ADGRL3: variants seen among roughly 807,000 people sequenced by gnomAD.
The protein encoded by ADGRL3 is adhesion G protein-coupled receptor L3, also known as calcium-independent alpha-latrotoxin receptor 3.
ADGRL3 carries 62 observed loss-of-function variants against 153.5 expected under a neutral mutation model. The ratio of observed to expected loss-of-function variants is 0.40; its 90% CI spans 0.33 to 0.50. The LOEUF (loss-of-function observed/expected upper bound fraction) is 0.50, where lower values mean the gene tolerates loss of function less well. Among genes scored for constraint, ADGRL3 ranks in the 20% least tolerant of loss-of-function variants. ADGRL3 has a pLI of 0.47. For synonymous variants in ADGRL3, 710 were observed against 672.5 expected, an observed-to-expected ratio of 1.06 and a Z score of -0.86; for missense variants, 1,641 against 1,859.4, an observed-to-expected ratio of 0.88 and a Z score of 2.16.
At position 61,201,674 on chromosome 4, in the gene ADGRL3, C is replaced by G. The variant is rs867918910; in HGVS notation, c.-331C>G. 7 of 152,392 alleles carry G rather than the reference C, an allele frequency of 4.6e-5. No individual in the cohort carries two copies. Among genetic ancestry groups the G allele is most frequent in the Non-Finnish European group, 8.8e-5 (6 of 68,212 alleles). 9.4% of individuals were successfully genotyped at this position (152,392 alleles called of 1,614,324 possible). A position where few individuals can be genotyped will look rare whatever the true frequency, so the allele number is the denominator to read the frequency against. ...CACAGGGGCCGGCCGGTCTTTTGCC[C>G]CGGGCTCAATGGCTGGATTGTGGAA... On this transcript the variant is annotated 5_prime_UTR_variant, in exon 1 of 27. Transcript: ENST00000683033.
At chr4:61,743,758 C>T (rs1027836222) in intron 8 of ADGRL3, among the ~76,000 whole-genome samples, 7 of 152,168 alleles carry the variant, frequency 4.6e-5, no homozygotes, top group Admixed American at 3.3e-4. Flanking sequence ...GGAACAGCTC[C>T]GCTCTACAGC....
intron 1 of ADGRL3, among the ~76,000 whole-genome samples, chr4:61,319,888 A>T (rs2095317719): frequency 1.3e-5 from 2 of 152,270 alleles, no homozygotes; most frequent in African/African-American, 4.8e-5. Flanking sequence ...CTCCTCTGGT[A>T]TGTACTGAAT....
intron 17 of ADGRL3, among the ~76,000 whole-genome samples, chr4:61,977,738 AAT>A (rs2099053162): frequency 6.6e-6 from 1 of 152,210 alleles, no homozygotes; most frequent in Non-Finnish European, 1.5e-5. Context: ...AAGTTAAAAA[AAT>A]GAAGAAAACC....
chr4:61,325,712 G>C (rs997007767), intron 1 of ADGRL3, among the ~76,000 whole-genome samples: 2 of 151,888 alleles, frequency 1.3e-5, no homozygotes, highest in African/African-American at 4.8e-5. Flanking sequence ...CTAATTTTAT[G>C]ATACTATTCT....
chr4:61,237,920 C>T (rs770442579), intron 1 of ADGRL3, among the ~76,000 whole-genome samples: 4 of 152,070 alleles, frequency 2.6e-5, no homozygotes, highest in South Asian at 2.1e-4. Context: ...TGTAACAGTG[C>T]GAGTCTGTGT....
chr4:61,298,791 T>A (rs2150308153), intron 1 of ADGRL3, among the ~76,000 whole-genome samples: 1 of 152,228 alleles, frequency 6.6e-6, no homozygotes, highest in African/African-American at 2.4e-5. Flanking sequence ...AGTATCTGTG[T>A]TGAAAATTAA....
At chr4:61,502,605 TTAG>T (rs2098399230) in intron 3 of ADGRL3, among the ~76,000 whole-genome samples, 3 of 152,076 alleles carry the variant, frequency 2.0e-5, no homozygotes, top group African/African-American at 7.2e-5. Flanking sequence ...TAAACAGTTC[TTAG>T]TAGGGACAAA....
chr4:61,833,313 G>A (rs116737198), intron 9 of ADGRL3, among the ~76,000 whole-genome samples: 1,614 of 152,238 alleles, frequency 0.011, 14 homozygotes, highest in Non-Finnish European at 0.019. Flanking sequence ...CACCTTGCCC[G>A]CTGCGTAGAC....
chr4:61,742,033 A>G (rs977422195), intron 8 of ADGRL3, among the ~76,000 whole-genome samples: 1 of 152,188 alleles, frequency 6.6e-6, no homozygotes, highest in African/African-American at 2.4e-5. Flanking sequence ...ACCAGAGGGC[A>G]GGCAGGTGGA....
chr4:61,665,306 GA>G (rs1239859902), intron 5 of ADGRL3, among the ~76,000 whole-genome samples: 1 of 152,186 alleles, frequency 6.6e-6, no homozygotes, highest in Non-Finnish European at 1.5e-5. Flanking sequence ...AGCTACTCTG[GA>G]GGCTGAGGCA....
intron 2 of ADGRL3, among the ~76,000 whole-genome samples, chr4:61,394,341 G>C (rs1440283602): frequency 6.6e-6 from 1 of 151,944 alleles, no homozygotes; most frequent in Non-Finnish European, 1.5e-5. Context: ...ATACATTAAA[G>C]ATGGGATAAA....
intron 2 of ADGRL3, among the ~76,000 whole-genome samples, chr4:61,418,898 A>C (rs1217263433): frequency 6.6e-6 from 1 of 150,776 alleles, no homozygotes; most frequent in Non-Finnish European, 1.5e-5. Flanking sequence ...AAAAAGAAAA[A>C]AGTTAAATTA....
At chr4:62,045,650 G>A (rs989246767) in intron 25 of ADGRL3, among the ~76,000 whole-genome samples, 1 of 151,870 alleles carries the variant, frequency 6.6e-6, no homozygotes, top group Admixed American at 6.6e-5. Context: ...TGTCAAAATT[G>A]AATTTGATGC....
intron 9 of ADGRL3, among the ~76,000 whole-genome samples, chr4:61,857,714 CCTTT>C (rs1282944884): frequency 1.4e-5 from 2 of 140,948 alleles, no homozygotes; most frequent in East Asian, 2.2e-4. Flanking sequence ...TTCCTTTCCT[CCTTT>C]CTTTCTTCTC....
At chr4:61,522,650 A>G (rs1375707641) in intron 4 of ADGRL3, among the ~76,000 whole-genome samples, 1 of 152,110 alleles carries the variant, frequency 6.6e-6, no homozygotes, top group Admixed American at 6.6e-5. Context: ...TTATGAGATC[A>G]CTAACTAGAG....
At chr4:62,011,646 T>G (rs1443810833) in intron 21 of ADGRL3, among the ~76,000 whole-genome samples, 3 of 152,142 alleles carry the variant, frequency 2.0e-5, no homozygotes, top group Non-Finnish European at 2.9e-5. Flanking sequence ...TAGCGTAGTA[T>G]GTCTGGATCT....
intron 2 of ADGRL3, among the ~76,000 whole-genome samples, chr4:61,447,924 A>G (rs2097605870): frequency 6.6e-6 from 1 of 152,172 alleles, no homozygotes; most frequent in Admixed American, 6.5e-5. Flanking sequence ...TTTCCAAACA[A>G]CAACAAAAAC....
chr4:61,476,006 A>G (rs1380037165), intron 2 of ADGRL3, among the ~76,000 whole-genome samples: 1 of 152,166 alleles, frequency 6.6e-6, no homozygotes, highest in African/African-American at 2.4e-5. Context: ...ATCTTGGCTC[A>G]TGGGCATTTC....
intron 1 of ADGRL3, among the ~76,000 whole-genome samples, chr4:61,352,879 C>T (rs1181089102): frequency 1.3e-5 from 2 of 152,148 alleles, no homozygotes; most frequent in African/African-American, 4.8e-5. Flanking sequence ...GCCACAATTA[C>T]TTTTGCACCA....
Sources: allele counts gnomAD v4.1 joint callset (sites outside exome capture counted in the v4.1 genomes callset), GRCh38; gene constraint gnomAD v4.1.1; transcripts MANE v1.5; gene names NCBI Gene and HGNC (gene_info 2026-07-23, HGNC 2026-07-21).